The following NFIB variants were observed in gnomAD, a reference collection of about 807,000 sequenced individuals.
The protein encoded by NFIB is nuclear factor 1 B-type.
NFIB carries 11 observed loss-of-function variants against 61.5 expected under a neutral mutation model. The ratio of observed to expected loss-of-function variants is 0.18; its 90% confidence interval spans 0.11 to 0.30. The LOEUF (loss-of-function observed/expected upper bound fraction) is 0.30, where lower values mean the gene tolerates loss of function less well. Ranked by LOEUF, NFIB falls within the 10% of genes least tolerant of loss-of-function variation. The probability of loss-of-function intolerance (pLI) is 1.00; values close to 1 mark genes in which losing one functional copy is unlikely to be tolerated. For synonymous variants in NFIB, 260 were observed against 216.5 expected (o/e 1.20, Z -1.76); for missense variants, 471 against 608.9 (o/e 0.77, Z 2.38).
chr9:14,427,942 T>TTTTTTTG, the NFIB span, among the ~76,000 whole-genome samples: 108 of 77,846 alleles, frequency 1.4e-3, 6 homozygotes, highest in African/African-American at 3.4e-3. Context: ...CAGTTGTTTT[T>TTTTTTTG]TTTTTTTTTT....
Position 14,307,795 on chromosome 9 carries a change from T to G in NFIB, c.31-275A>C. ...TATTTTGTATTACACTCTGGCCCCA[T>G]CCCCCTTGTTTCCACCCCAATGCCA... On this transcript the variant is annotated intron_variant, in intron 1 of 10. Coordinates refer to ENST00000380953, the MANE Select transcript of NFIB (RefSeq NM_001190737.2). This position sits in a 1 kb window ranked among gnomAD's most constrained non-coding sequence, Gnocchi z 5.3. 3.5e-6 allele frequency: 1 copy of G among 287,542 alleles called. No homozygotes were observed. The highest frequency in any genetic ancestry group is 6.5e-6 in the Non-Finnish European group (1 of 153,352). The allele number at this position is 287,542 out of a possible 1,614,324, so 17.8% of individuals were successfully genotyped here.
intron 2 of NFIB, among the ~76,000 whole-genome samples, chr9:14,240,640 A>G (rs1269933959): frequency 6.6e-6 from 1 of 152,230 alleles, no homozygotes; most frequent in Non-Finnish European, 1.5e-5. Context: ...AAAGCAAAGT[A>G]TAGTAACAGC....
chr9:14,207,937 T>G (rs919309804), intron 2 of NFIB, among the ~76,000 whole-genome samples: 17 of 152,194 alleles, frequency 1.1e-4, no homozygotes, highest in South Asian at 4.1e-4. Flanking sequence ...GGTCAAACAT[T>G]TCCTTGGTTG....
At chr9:14,446,041 T>G in the NFIB span, among the ~76,000 whole-genome samples, 1 of 152,202 alleles carries the variant, frequency 6.6e-6, no homozygotes. Flanking sequence ...TCTCTCAGCA[T>G]GTTGGAGATA....
intron 6 of NFIB, 135 bp from the exon 7 acceptor site, chr9:14,125,901 G>A (rs528670825): frequency 2.7e-5 from 32 of 1,172,166 alleles, no homozygotes; most frequent in Admixed American, 1.1e-4. Flanking sequence ...TATATTCTGA[G>A]TGTCAACGAT....
At chr9:14,504,072 G>T in the NFIB span, among the ~76,000 whole-genome samples, 1 of 152,168 alleles carries the variant, frequency 6.6e-6, no homozygotes, top group African/African-American at 2.4e-5. Flanking sequence ...TGTTGAATAT[G>T]ATGTCCTTTC....
At chr9:14,196,672 TTC>T (rs1451076588) in intron 2 of NFIB, among the ~76,000 whole-genome samples, 1 of 123,912 alleles carries the variant, frequency 8.1e-6, no homozygotes, top group African/African-American at 3.1e-5. Context: ...TTACTCCCAA[TTC>T]TCTTATTCTA....
In NFIB at chr9:14,375,931, T is replaced by C. The variant is rs111684850; in HGVS notation, c.108+22593A>G. Among the ~76,000 whole-genome samples the C allele has an allele frequency of 5.9e-4, 90 of 152,366 alleles. 1 individual carries two copies. The highest frequency in any genetic ancestry group is 2.1e-3 in the African/African-American group (87 of 41,596). On this transcript the variant is annotated intron_variant, in intron 1 of 8. Coordinates refer to the NFIB transcript ENST00000380934. Reference sequence around the variant, plus strand: ...TTATTCACTGCTTCCGTTTGAATTATGTGGTGTTTAAGGCACTAGCTTGAG... The same window carrying C: ...TTATTCACTGCTTCCGTTTGAATTACGTGGTGTTTAAGGCACTAGCTTGAG...
chr9:14,201,106 G>T (rs1423713990), intron 2 of NFIB, among the ~76,000 whole-genome samples: 1 of 152,012 alleles, frequency 6.6e-6, no homozygotes, highest in Non-Finnish European at 1.5e-5. Flanking sequence ...GTCCCTTATT[G>T]AGCTTCACAT....
At chr9:14,450,279 C>T in the NFIB span, among the ~76,000 whole-genome samples, 3 of 152,056 alleles carry the variant, frequency 2.0e-5, no homozygotes, top group African/African-American at 4.8e-5. Flanking sequence ...TCATTAAAGT[C>T]CTCTGTATAA....
At chr9:14,499,998 A>ATAGT in the NFIB span, among the ~76,000 whole-genome samples, 1,372 of 152,334 alleles carry the variant, frequency 9.0e-3, 23 homozygotes, top group African/African-American at 0.032. Flanking sequence ...AGCTTCCAGT[A>ATAGT]TAGTACCCGT....
At chr9:14,398,692 T>C (rs972627467) in exon 1 of NFIB, 8 of 1,237,054 alleles carry the variant, frequency 6.5e-6, no homozygotes, top group Middle Eastern at 1.9e-4. Flanking sequence ...TGCGCTGTTT[T>C]AGAATGTTTG....
intron 2 of NFIB, among the ~76,000 whole-genome samples, chr9:14,289,395 C>T (rs1175400399): frequency 6.6e-6 from 1 of 151,408 alleles, no homozygotes; most frequent in African/African-American, 2.4e-5. Context: ...CATCTAAGAA[C>T]TTATGTTCAC....
chr9:14,345,453 G>T (rs1048041864), intron 1 of NFIB, among the ~76,000 whole-genome samples: 1 of 152,058 alleles, frequency 6.6e-6, no homozygotes, highest in African/African-American at 2.4e-5. Context: ...GAAATCTAGG[G>T]TACCGGAGCT....
intron 2 of NFIB, among the ~76,000 whole-genome samples, chr9:14,229,018 G>C (rs1587773608): frequency 1.3e-5 from 2 of 149,672 alleles, no homozygotes; most frequent in Admixed American, 6.6e-5. Flanking sequence ...GCTTTGGGCA[G>C]GTTTACAGGG....
the NFIB span, among the ~76,000 whole-genome samples, chr9:14,471,706 T>C: frequency 1.3e-5 from 2 of 152,222 alleles, no homozygotes; most frequent in East Asian, 3.8e-4. Context: ...ATTCTCTGTT[T>C]TTCCCTGTCA....
In NFIB at chr9:14,084,805, T is replaced by C. The variant is rs1329975175; in HGVS notation, c.*3504A>G. The C allele has an allele frequency of 4.4e-6, 1 of 228,386 alleles. No individual in the cohort carries two copies. Among genetic ancestry groups the C allele is most frequent in the Non-Finnish European group, 8.7e-6 (1 of 115,094 alleles). 14.1% of individuals were successfully genotyped at this position (228,386 alleles called of 1,614,324 possible). Reference sequence around the variant, plus strand: ...GAGGCCGAAAAGTTGATTTGAGATTTTATATATATAGTAGTACTTTTAATA... The same window carrying C: ...GAGGCCGAAAAGTTGATTTGAGATTCTATATATATAGTAGTACTTTTAATA... On this transcript the variant is annotated 3_prime_UTR_variant, in exon 11 of 11. Coordinates refer to ENST00000380953, the MANE Select transcript of NFIB (RefSeq NM_001190737.2).
intron 1 of NFIB, among the ~76,000 whole-genome samples, chr9:14,359,807 G>C (rs2132941471): frequency 6.6e-6 from 1 of 152,110 alleles, no homozygotes; most frequent in East Asian, 1.9e-4. Flanking sequence ...ATATACCTAT[G>C]AATGAAAGCA....
At chr9:14,418,295 C>T in the NFIB span, among the ~76,000 whole-genome samples, 1 of 152,202 alleles carries the variant, frequency 6.6e-6, no homozygotes, top group Non-Finnish European at 1.5e-5. Context: ...AGCCCCCTGG[C>T]TTTCATGCCT....
Sources: gnomAD v4.1 joint callset for allele counts (sites outside exome capture counted in the v4.1 genomes callset) on GRCh38, gnomAD v4.1.1 for gene constraint, Gnocchi (gnomAD v3.1) non-coding constraint, MANE v1.5 for transcripts, NCBI Gene and HGNC (gene_info 2026-07-23, HGNC 2026-07-21) for gene names.